CDH7: variants seen among roughly 807,000 people sequenced by gnomAD.
CDH7 encodes the protein cadherin 7.
A neutral mutation model predicts 71.8 loss-of-function variants in CDH7; 25 were observed. The ratio of observed to expected loss-of-function variants is 0.35; its 90% CI spans 0.25 to 0.49. CDH7 has a LOEUF of 0.49. CDH7 is among the 20% of genes least tolerant of loss of function. The probability of loss-of-function intolerance (pLI) is 0.99; values close to 1 mark genes in which losing one functional copy is unlikely to be tolerated. For missense variants in CDH7, 862 were observed against 974.6 expected, an observed-to-expected ratio of 0.88 and a Z score of 1.54; for synonymous variants, 381 against 363.8, an observed-to-expected ratio of 1.05 and a Z score of -0.54.
intron 2 of CDH7, among the ~76,000 whole-genome samples, chr18:65,772,634 A>G (rs1399684948): frequency 6.6e-6 from 1 of 152,228 alleles, no homozygotes; most frequent in Non-Finnish European, 1.5e-5. Flanking sequence ...TTATAATGAA[A>G]CATAGAGTCT....
At chr18:65,875,271 G>A (rs2587412) in intron 11 of CDH7, among the ~76,000 whole-genome samples, 10,751 of 152,136 alleles carry the variant, frequency 0.071, 1,186 homozygotes, top group African/African-American at 0.24. Flanking sequence ...TGGAAAGAAG[G>A]GATACTTATT....
intron 2 of CDH7, among the ~76,000 whole-genome samples, chr18:65,773,571 T>TG (rs1284994560): frequency 7.9e-5 from 12 of 152,256 alleles, no homozygotes; most frequent in African/African-American, 2.4e-4. Flanking sequence ...TTACAGATGA[T>TG]GCGACTTCAA....
chr18:65,814,709 A>AG, intron 4 of CDH7, 105 bp downstream of exon 4: 2 of 942,346 alleles, frequency 2.1e-6, no homozygotes, highest in African/African-American at 1.7e-5. Flanking sequence ...CCATTTTATT[A>AG]TGCTTCTCTC....
intron 6 of CDH7, among the ~76,000 whole-genome samples, chr18:65,834,005 A>G (rs982002092): frequency 7.2e-5 from 11 of 152,170 alleles, no homozygotes; most frequent in Non-Finnish European, 1.5e-4. Context: ...TGCTGAGTAC[A>G]AGTCACAGAT....
intron 2 of CDH7, among the ~76,000 whole-genome samples, chr18:65,789,742 G>T (rs1427831303): frequency 2.0e-5 from 3 of 152,224 alleles, no homozygotes; most frequent in Admixed American, 6.5e-5. Context: ...TAAGTATGGA[G>T]TTGAGGATCT....
At chr18:65,828,020 A>T (rs937608853) in intron 6 of CDH7, among the ~76,000 whole-genome samples, 1 of 151,330 alleles carries the variant, frequency 6.6e-6, no homozygotes, top group Non-Finnish European at 1.5e-5. Flanking sequence ...CTTTCTTCCT[A>T]CCCTCCTCCT....
At position 65,886,808 on chromosome 18, in the gene CDH7, A is replaced by T. The variant is rs927755493; in HGVS notation, c.*5914A>T. 1 of 152,184 alleles carries T rather than the reference A, an allele frequency of 6.6e-6. No homozygotes were observed. Among genetic ancestry groups the T allele is most frequent in the Non-Finnish European group, 1.5e-5 (1 of 68,010 alleles). The allele number at this position is 152,184 out of a possible 1,614,324, so 9.4% of individuals were successfully genotyped here. A position where few individuals can be genotyped will look rare whatever the true frequency, so the allele number is the denominator to read the frequency against. On this transcript the variant is annotated 3_prime_UTR_variant, in exon 12 of 12. Transcript: ENST00000397968. ...CCATCCTGAATGCAATGCACTCTTG[A>T]TGACTCAAACTCACTTATATCTTAC... is the stretch of plus-strand genomic sequence containing the variant.
chr18:65,775,091 T>G (rs2089255654), intron 2 of CDH7, among the ~76,000 whole-genome samples: 1 of 152,190 alleles, frequency 6.6e-6, no homozygotes, highest in Non-Finnish European at 1.5e-5. Flanking sequence ...GCTTTTTGTT[T>G]TGTTTTCTCA....
chr18:65,886,837 A>C lies in CDH7; in HGVS notation c.*5943A>C, dbSNP rs1290722216. On this transcript the variant is annotated 3_prime_UTR_variant, in exon 12 of 12. Coordinates refer to ENST00000397968, the MANE Select transcript of CDH7 (RefSeq NM_004361.5). ...CTCAAACTCACTTATATCTTACAAC[A>C]GCTCATCTTAATCTCTTACGAATGA... is the stretch of plus-strand genomic sequence containing the variant. 9 of 152,152 alleles carry C rather than the reference A, an allele frequency of 5.9e-5. No homozygotes were observed. The highest frequency in any genetic ancestry group is 1.2e-4 in the Non-Finnish European group (8 of 68,000). The allele number at this position is 152,152 out of a possible 1,614,324, so 9.4% of individuals were successfully genotyped here.
chr18:65,838,620 C>T (rs913906833), intron 6 of CDH7, among the ~76,000 whole-genome samples: 6 of 151,956 alleles, frequency 3.9e-5, no homozygotes, highest in Admixed American at 2.6e-4. Context: ...GCTAAAGGTG[C>T]GAGATATATA....
At chr18:65,838,071 C>T (rs182314815) in intron 6 of CDH7, among the ~76,000 whole-genome samples, 8 of 151,978 alleles carry the variant, frequency 5.3e-5, no homozygotes, top group African/African-American at 9.7e-5. Flanking sequence ...ATTACAGGCA[C>T]GTGCCACCAT....
In CDH7 at chr18:65,862,874, A is replaced by G. The variant is rs775858440; in HGVS notation, c.1821A>G (p.Thr607=). 47 of 1,614,050 alleles carry G rather than the reference A, an allele frequency of 2.9e-5. No individual in the cohort carries two copies. Among genetic ancestry groups the G allele is most frequent in the Non-Finnish European group, 3.9e-5 (46 of 1,180,016 alleles). ...ATGTCCTACCTGCTGGCCTCAGTAC[A>G]GGAGCCCTGATAGCCATACTCGCCT... ...EAYVLPAGLS[T]GALIAILACV... Residue 607 remains threonine, a synonymous_variant, in exon 11 of 12, where the codon ACA becomes ACG. Coordinates refer to ENST00000397968, the MANE Select transcript of CDH7 (RefSeq NM_004361.5).
rs1197047189 is a variant in CDH7, at chr18:65,776,126, T to C, written c.210+13074T>C. Among the ~76,000 whole-genome samples the C allele has an allele frequency of 2.0e-5, 3 of 152,152 alleles. No individual in the cohort carries two copies. In the East Asian group the frequency reaches 5.8e-4, roughly 29 times the overall value. On this transcript the variant is annotated intron_variant, in intron 2 of 11. Coordinates refer to ENST00000397968, the MANE Select transcript of CDH7 (RefSeq NM_004361.5). The stretch of plus-strand genomic sequence containing the variant: ...CTTGGGAAATATCTTTTGGCAATTA[T>C]TGAAGAGTGATACATGTTATTTTAT...
At chr18:65,830,752 T>C (rs1013287053) in intron 6 of CDH7, among the ~76,000 whole-genome samples, 1 of 151,230 alleles carries the variant, frequency 6.6e-6, no homozygotes, top group African/African-American at 2.4e-5. Context: ...TCTTCCTCTT[T>C]CTTTTCTCTC....
At chr18:65,751,617 C>T (rs145838372) in intron 1 of CDH7, among the ~76,000 whole-genome samples, 10 of 152,298 alleles carry the variant, frequency 6.6e-5, no homozygotes, top group African/African-American at 2.4e-4. Context: ...GGGCAGGAGT[C>T]CTTTGAACCA....
Position 65,887,865 on chromosome 18 carries a change from A to G in CDH7, c.*6971A>G, listed in dbSNP as rs1161063949. On this transcript the variant is annotated 3_prime_UTR_variant, in exon 12 of 12. Transcript: ENST00000397968. ...AACAATTCACATTAGTAAAACACACAGCATTACTTTCAATGAAACTATAAT... is the reference window on the plus strand; with the variant it reads ...AACAATTCACATTAGTAAAACACACGGCATTACTTTCAATGAAACTATAAT... 3 of 152,188 alleles carry G rather than the reference A, an allele frequency of 2.0e-5. No homozygotes were observed. 9.4% of individuals were successfully genotyped at this position (152,188 alleles called of 1,614,324 possible).
chr18:65,753,542 T>A (rs1915945331), intron 1 of CDH7, among the ~76,000 whole-genome samples: 3 of 152,218 alleles, frequency 2.0e-5, no homozygotes, highest in Admixed American at 2.0e-4. Flanking sequence ...CTAAAATAAC[T>A]AACATGCATT....
intron 2 of CDH7, among the ~76,000 whole-genome samples, chr18:65,802,805 T>A (rs754716091): frequency 1.2e-4 from 19 of 152,160 alleles, no homozygotes; most frequent in East Asian, 5.8e-4. Flanking sequence ...AGTGGGGTTT[T>A]CTTTAGGGAA....
intron 2 of CDH7, among the ~76,000 whole-genome samples, chr18:65,767,674 T>C (rs909381200): frequency 1.3e-5 from 2 of 152,202 alleles, no homozygotes; most frequent in Non-Finnish European, 2.9e-5. Context: ...TAAAGGCATT[T>C]GTTCTCTGTC....
Sources: allele counts gnomAD v4.1 joint callset (sites outside exome capture counted in the v4.1 genomes callset), GRCh38; gene constraint gnomAD v4.1.1; transcripts MANE v1.5; gene names NCBI Gene and HGNC (gene_info 2026-07-23, HGNC 2026-07-21).